The following BCAS3 variants were observed in gnomAD, a reference collection of about 807,000 sequenced individuals.
The protein encoded by BCAS3 is BCAS3 microtubule associated cell migration factor.
A neutral mutation model predicts 116.1 loss-of-function variants in BCAS3; 53 were observed. The ratio of observed to expected loss-of-function variants is 0.46; its 90% CI spans 0.37 to 0.57. The LOEUF (loss-of-function observed/expected upper bound fraction) is 0.57. BCAS3 is among the 20% of genes least tolerant of loss of function. The pLI, the probability that BCAS3 is intolerant of heterozygous loss-of-function variation, is 0.00. For synonymous variants in BCAS3, 391 were observed against 408.2 expected, an observed-to-expected ratio of 0.96 and a Z score of 0.51; for missense variants, 917 against 1,165.4, an observed-to-expected ratio of 0.79 and a Z score of 3.10.
chr17:60,816,063 A>G (rs779651216), intron 7 of BCAS3, among the ~76,000 whole-genome samples: 55 of 152,122 alleles, frequency 3.6e-4, no homozygotes, highest in Non-Finnish European at 7.1e-4. Context: ...TTTCGTAGCC[A>G]GTTGGGTACA....
intron 5 of BCAS3, among the ~76,000 whole-genome samples, chr17:60,740,405 G>A (rs987899520): frequency 1.3e-5 from 2 of 151,158 alleles, no homozygotes; most frequent in Admixed American, 1.3e-4. Context: ...GGCTGAGGTG[G>A]GAGAATCACT....
rs2054741274 is a variant in BCAS3 at position 61,316,468 on chromosome 17, C to A, written c.2426-51859C>A. ...GTTGGTACTGGTCCCTGAGATGTCCCCGGACATGCCCCTCACCCAGCACCT... is the reference window on the plus strand; with the variant it reads ...GTTGGTACTGGTCCCTGAGATGTCCACGGACATGCCCCTCACCCAGCACCT... On this transcript the variant is annotated intron_variant, in intron 22 of 23. Transcript: ENST00000407086. This position sits in a 1 kb window ranked among gnomAD's most constrained non-coding sequence, Gnocchi z 5.8. Among the ~76,000 whole-genome samples, 2 of 152,072 alleles carry A rather than the reference C, an allele frequency of 1.3e-5. No individual in the cohort carries two copies. Among genetic ancestry groups the A allele is most frequent in the East Asian group, 1.9e-4 (1 of 5,176 alleles).
chr17:61,016,050 C>A, intron 16 of BCAS3, 149 bp downstream of exon 16: 1 of 845,618 alleles, frequency 1.2e-6, no homozygotes, highest in Non-Finnish European at 1.8e-6. Context: ...AAGTACAAAG[C>A]ATAGAACTTG....
rs2058810758 is a variant in BCAS3, at chr17:61,367,606, A to G, written c.2426-721A>G. 1 of 152,142 alleles carries G rather than the reference A, an allele frequency of 6.6e-6. No individual in the cohort carries two copies. 9.4% of individuals were successfully genotyped at this position (152,142 alleles called of 1,614,324 possible). On this transcript the variant is annotated intron_variant, in intron 22 of 23. Coordinates refer to ENST00000407086, the MANE Select transcript of BCAS3 (RefSeq NM_017679.5). The surrounding 1 kb of genome is among the most constrained non-coding windows in gnomAD (Gnocchi z 6.2). ...GCTGGGAGACCAGGTAGTGAAGTAGAACGTGTTCTCAACTGAGGCATCAGG... is the reference window on the plus strand; with the variant it reads ...GCTGGGAGACCAGGTAGTGAAGTAGGACGTGTTCTCAACTGAGGCATCAGG...
In BCAS3 at chr17:61,084,695, TA is replaced by T; in HGVS notation, c.2425+133del. ...TTTGTTTTGTGGTGTGTGTGCATTT[TA>T]ATACAGTACTGTGCCTATATTTCTT... On this transcript the variant is annotated intron_variant, in intron 22 of 23. Transcript: ENST00000407086. The surrounding 1 kb of genome is among the most constrained non-coding windows in gnomAD (Gnocchi z 5.5). 1 of 760,394 alleles carries T rather than the reference TA, an allele frequency of 1.3e-6. No individual in the cohort carries two copies. Among genetic ancestry groups the T allele is most frequent in the South Asian group, 1.5e-5 (1 of 66,996 alleles). 47.1% of individuals were successfully genotyped at this position (760,394 alleles called of 1,614,324 possible). A position where few individuals can be genotyped will look rare whatever the true frequency, so the allele number is the denominator to read the frequency against.
At chr17:61,040,714 C>A in intron 18 of BCAS3, 78 bp from the exon 19 acceptor site, 2 of 1,170,830 alleles carry the variant, frequency 1.7e-6, no homozygotes, top group South Asian at 1.2e-5. Context: ...AGTCACTGTT[C>A]ATAAGTGATG....
At chr17:61,010,251 T>C (rs192728729) in intron 15 of BCAS3, among the ~76,000 whole-genome samples, 1 of 152,062 alleles carries the variant, frequency 6.6e-6, no homozygotes, top group Admixed American at 6.6e-5. Flanking sequence ...GTTTTTATAG[T>C]ATAGAATGTC....
intron 6 of BCAS3, among the ~76,000 whole-genome samples, chr17:60,775,797 A>G (rs539950137): frequency 1.3e-5 from 2 of 152,322 alleles, no homozygotes; most frequent in African/African-American, 4.8e-5. Context: ...GGGATGTATG[A>G]GTCTATATAA....
rs1601656256 is a variant in BCAS3, at chr17:61,162,733, C to T, written c.2425+78169C>T. Reference sequence around the variant, plus strand: ...TGAAACTGATTCCATGTCATAATGCCCTCCTTGGGGAGGAGCAACGTCTCC... The same window carrying T: ...TGAAACTGATTCCATGTCATAATGCTCTCCTTGGGGAGGAGCAACGTCTCC... On this transcript the variant is annotated intron_variant, in intron 22 of 23. Coordinates refer to ENST00000407086, the MANE Select transcript of BCAS3 (RefSeq NM_017679.5). This position sits in a 1 kb window ranked among gnomAD's most constrained non-coding sequence, Gnocchi z 5.6. Among the ~76,000 whole-genome samples the T allele has an allele frequency of 6.6e-6, 1 of 152,280 alleles. No individual in the cohort carries two copies. Among genetic ancestry groups the T allele is most frequent in the East Asian group, 1.9e-4 (1 of 5,178 alleles).
At chr17:60,831,838 A>C (rs1202737238) in intron 7 of BCAS3, among the ~76,000 whole-genome samples, 1 of 149,184 alleles carries the variant, frequency 6.7e-6, no homozygotes, top group Non-Finnish European at 1.5e-5. Context: ...AAAATATAAA[A>C]TACAATAATT....
chr17:60,750,841 A>G (rs1316253278), intron 6 of BCAS3, among the ~76,000 whole-genome samples: 1 of 152,212 alleles, frequency 6.6e-6, no homozygotes, highest in Admixed American at 6.5e-5. Context: ...ATGTCCTTCT[A>G]ACCCTTCTTG....
At chr17:61,069,991 C>G (rs1470004374) in intron 19 of BCAS3, 1 of 1,588,616 alleles carries the variant, frequency 6.3e-7, no homozygotes, top group Admixed American at 1.7e-5. Flanking sequence ...GAAGAAGATC[C>G]GCACGTCACC....
intron 22 of BCAS3, among the ~76,000 whole-genome samples, chr17:61,275,960 T>G (rs1332395064): frequency 6.6e-6 from 1 of 152,210 alleles, no homozygotes; most frequent in African/African-American, 2.4e-5. Context: ...ACAAAGTCAT[T>G]ATAATACTTA....
At chr17:60,700,568 T>C (rs1014694791) in intron 4 of BCAS3, among the ~76,000 whole-genome samples, 2 of 152,256 alleles carry the variant, frequency 1.3e-5, no homozygotes, top group South Asian at 2.1e-4. Context: ...GGAGAGGATA[T>C]ATGGTAAGAA....
At chr17:61,046,294 G>C (rs1161465110) in intron 19 of BCAS3, among the ~76,000 whole-genome samples, 1 of 146,326 alleles carries the variant, frequency 6.8e-6, no homozygotes, top group Non-Finnish European at 1.5e-5. Flanking sequence ...ATCATACCTG[G>C]TGCCAGAAAG....
In BCAS3 at chr17:61,037,794, C is replaced by T. The variant is rs1265229473; in HGVS notation, c.1763-95C>T. ...TCTTTTCATTTTCTCTGAGCAGCCT[C>T]AGGAGCAGACTAATAAGATCATTAA... is the stretch of plus-strand genomic sequence containing the variant. On this transcript the variant is annotated intron_variant, in intron 17 of 23. Transcript: ENST00000407086. The surrounding 1 kb of genome is among the most constrained non-coding windows in gnomAD (Gnocchi z 4.7). The T allele has an allele frequency of 8.6e-7, 1 of 1,159,332 alleles. No individual in the cohort carries two copies. The highest frequency in any genetic ancestry group is 2.5e-5 in the Admixed American group (1 of 40,492). The allele number at this position is 1,159,332 out of a possible 1,614,324, so 71.8% of individuals were successfully genotyped here.
intron 5 of BCAS3, among the ~76,000 whole-genome samples, chr17:60,742,309 T>C (rs1304150644): frequency 6.6e-6 from 1 of 151,744 alleles, no homozygotes; most frequent in Admixed American, 6.6e-5. Flanking sequence ...GGATCCCCTA[T>C]AGAATCAGAT....
rs1012479861 is a variant in BCAS3, at chr17:61,203,217, G to A, written c.2425+118653G>A. On this transcript the variant is annotated intron_variant, in intron 22 of 23. Coordinates refer to ENST00000407086, the MANE Select transcript of BCAS3 (RefSeq NM_017679.5). The surrounding 1 kb of genome is among the most constrained non-coding windows in gnomAD (Gnocchi z 5.7). ...TTGTCACTCAGGCTGGAGTACAATGGCACGATCTTGGCTCACTGCAGCCTC... is the reference window on the plus strand; with the variant it reads ...TTGTCACTCAGGCTGGAGTACAATGACACGATCTTGGCTCACTGCAGCCTC... Among the ~76,000 whole-genome samples the A allele has an allele frequency of 3.3e-5, 5 of 152,032 alleles. No homozygotes were observed. Among genetic ancestry groups the A allele is most frequent in the Admixed American group, 3.3e-4 (5 of 15,260 alleles).
intron 19 of BCAS3, among the ~76,000 whole-genome samples, chr17:61,061,400 C>CT (rs1261692315): frequency 6.6e-6 from 1 of 152,274 alleles, no homozygotes; most frequent in South Asian, 2.1e-4. Flanking sequence ...TCCTCGCCTG[C>CT]TTTTTTGTTG....
Sources: allele counts gnomAD v4.1 joint callset (sites outside exome capture counted in the v4.1 genomes callset), GRCh38; gene constraint gnomAD v4.1.1; non-coding constraint Gnocchi (gnomAD v3.1); transcripts MANE v1.5; gene names NCBI Gene and HGNC (gene_info 2026-07-23, HGNC 2026-07-21).